PRDM1: variants seen among roughly 807,000 people sequenced by gnomAD.
PRDM1 encodes PR domain zinc finger protein 1.
PRDM1 carries 13 observed loss-of-function variants against 62.8 expected under a neutral mutation model. The ratio of observed to expected loss-of-function variants is 0.21; its 90% CI spans 0.13 to 0.33. The LOEUF (loss-of-function observed/expected upper bound fraction) is 0.33. Ranked by LOEUF, PRDM1 falls within the 10% of genes least tolerant of loss-of-function variation. The pLI is 1.00. For synonymous variants in PRDM1, 396 were observed against 417.6 expected (o/e 0.95, Z 0.63); for missense variants, 895 against 1,058.8 (o/e 0.85, Z 2.15).
chr6:106,046,494 T>C (rs372104794), upstream of PRDM1: 141 of 152,546 alleles, frequency 9.2e-4, no homozygotes, highest in African/African-American at 3.0e-3. Flanking sequence ...AGGTGTCTTG[T>C]CTTCCTCTTT....
At chr6:106,083,978 C>G (rs1472263956), upstream of PRDM1, among the ~76,000 whole-genome samples, 2 of 152,134 alleles carry the variant, frequency 1.3e-5, no homozygotes, top group Admixed American at 6.5e-5. Context: ...CTTTTATTCC[C>G]CCTTAATGGT....
chr6:106,003,812 T>C (rs1772454526), intron 1 of PRDM1, among the ~76,000 whole-genome samples: 1 of 152,190 alleles, frequency 6.6e-6, no homozygotes, highest in African/African-American at 2.4e-5. Flanking sequence ...AGATCTTACT[T>C]ATTTTTGGAC....
At chr6:106,042,570 C>T (rs886790712) in intron 1 of PRDM1, among the ~76,000 whole-genome samples, 7 of 151,468 alleles carry the variant, frequency 4.6e-5, no homozygotes, top group Admixed American at 4.6e-4. Context: ...CAAAACAAAA[C>T]CAAGTGTGAA....
At position 106,105,381 on chromosome 6, in the gene PRDM1, C is replaced by T. The variant is rs139750319; in HGVS notation, c.1221C>T (p.Asn407=). 17 of 1,614,120 alleles carry T rather than the reference C, an allele frequency of 1.1e-5. 1 individual carries two copies. In the African/African-American group the frequency reaches 1.6e-4, roughly 15 times the overall value. Residue 407 remains asparagine, a synonymous_variant, in exon 5 of 7, where the codon AAC becomes AAT. Transcript: ENST00000369096. ...CGCCAGCTTTCATCCCCTCGTACAACGCTCACTACCCCAAGTTCCTCTTGC... is the reference window on the plus strand; with the variant it reads ...CGCCAGCTTTCATCCCCTCGTACAATGCTCACTACCCCAAGTTCCTCTTGC... ...HLPPAFIPSY[N]AHYPKFLLPP...
intron 1 of PRDM1, among the ~76,000 whole-genome samples, chr6:106,011,864 G>A (rs1422189626): frequency 6.6e-6 from 1 of 151,094 alleles, no homozygotes; most frequent in Non-Finnish European, 1.5e-5. Flanking sequence ...CAGTACACAA[G>A]TACCACAGCA....
intron 1 of PRDM1, among the ~76,000 whole-genome samples, chr6:105,995,854 T>C (rs138739965): frequency 5.2e-4 from 79 of 152,326 alleles, no homozygotes; most frequent in African/African-American, 1.6e-3. Flanking sequence ...GGACAATCTT[T>C]AGTTTGTAAG....
intron 1 of PRDM1, among the ~76,000 whole-genome samples, chr6:106,072,498 T>G (rs1255584206): frequency 6.6e-6 from 1 of 152,184 alleles, no homozygotes; most frequent in Non-Finnish European, 1.5e-5. Context: ...GGGGGAGGAA[T>G]AGAAGAAGGG....
intron 2 of PRDM1, among the ~76,000 whole-genome samples, chr6:106,094,645 G>A (rs908956268): frequency 5.3e-5 from 8 of 152,196 alleles, no homozygotes; most frequent in African/African-American, 1.7e-4. Context: ...GGCTCAGCCT[G>A]TAATCTCAGC....
chr6:106,040,746 G>A (rs887649920), intron 1 of PRDM1, among the ~76,000 whole-genome samples: 6 of 152,312 alleles, frequency 3.9e-5, no homozygotes, highest in African/African-American at 1.4e-4. Context: ...ACAACATGAT[G>A]TGTATCCTTT....
At chr6:106,035,642 T>A (rs548672664) in intron 1 of PRDM1, among the ~76,000 whole-genome samples, 39 of 151,722 alleles carry the variant, frequency 2.6e-4, no homozygotes, top group South Asian at 1.0e-3. Context: ...CAAAAAAATT[T>A]AAAAAAAAAG....
chr6:106,031,044 T>C (rs1357669444), intron 1 of PRDM1, among the ~76,000 whole-genome samples: 1 of 151,818 alleles, frequency 6.6e-6, no homozygotes, highest in Non-Finnish European at 1.5e-5. Context: ...GAATATGCAT[T>C]GCTTTTATAG....
In PRDM1 at chr6:105,994,093, C is replaced by A. The variant is rs558747640; in HGVS notation, c.-67+454C>A. Among the ~76,000 whole-genome samples, 1 of 152,186 alleles carries A rather than the reference C, an allele frequency of 6.6e-6. No individual in the cohort carries two copies. The highest frequency in any genetic ancestry group is 1.5e-5 in the Non-Finnish European group (1 of 68,028). On this transcript the variant is annotated intron_variant, in intron 1 of 6. Transcript: ENST00000652320. The surrounding 1 kb of genome is among the most constrained non-coding windows in gnomAD (Gnocchi z 4.1). ...TTCCTGGACAGTCACTCAAAAGCTG[C>A]GCCCAAAGTTTTAAAAAGCGCGGGG...
rs759824378 is a variant in PRDM1 at position 106,107,174 on chromosome 6, T to C, written c.2166T>C (p.Asp722=). 1.2e-6 allele frequency: 2 copies of C among 1,614,074 alleles called. No homozygotes were observed. The highest frequency in any genetic ancestry group is 2.2e-5 in the East Asian group (1 of 44,892). Residue 722 remains aspartate (D), a synonymous_variant, in exon 7 of 7, where the codon GAT becomes GAC. Coordinates refer to ENST00000369096, the MANE Select transcript of PRDM1 (RefSeq NM_001198.4). Reference sequence around the variant, plus strand: ...CGGCGCCTGGGCTGCCCTTGGAAGATCTGACCCGAATCAATGAAGAAATCG... The same window carrying C: ...CGGCGCCTGGGCTGCCCTTGGAAGACCTGACCCGAATCAATGAAGAAATCG... ...AAPAPGLPLE[D]LTRINEEIEK...
chr6:105,998,051 G>T (rs1364472268), intron 1 of PRDM1, among the ~76,000 whole-genome samples: 3 of 152,186 alleles, frequency 2.0e-5, no homozygotes, highest in African/African-American at 4.8e-5. Flanking sequence ...TAAACAAAGT[G>T]CAGGGAGTTT....
intron 1 of PRDM1, chr6:106,087,527 G>C (rs1002669146): frequency 3.0e-5 from 7 of 232,634 alleles, no homozygotes; most frequent in Non-Finnish European, 5.1e-5. Flanking sequence ...CTTTTCCTGT[G>C]GTCCAAGTGA....
intron 1 of PRDM1, among the ~76,000 whole-genome samples, chr6:106,037,894 CCA>C (rs1400094124): frequency 2.6e-5 from 4 of 151,402 alleles, no homozygotes; most frequent in Non-Finnish European, 5.9e-5. Flanking sequence ...TTTGAATAGG[CCA>C]CAGTTTCCTG....
At chr6:106,083,410 A>AT (rs574319572), upstream of PRDM1, among the ~76,000 whole-genome samples, 190 of 151,370 alleles carry the variant, frequency 1.3e-3, 1 homozygote, top group African/African-American at 4.6e-3. Context: ...GAAAAAAAAA[A>AT]TTTTTTTTCC....
chr6:106,087,963 A>C (rs1582459806), intron 1 of PRDM1: 4 of 274,822 alleles, frequency 1.5e-5, no homozygotes, highest in Admixed American at 5.3e-5. Flanking sequence ...TTTTCCCCAC[A>C]GTGAGGTTGC....
chr6:106,019,968 G>A (rs1043422571), intron 1 of PRDM1, among the ~76,000 whole-genome samples: 4 of 148,988 alleles, frequency 2.7e-5, no homozygotes, highest in Non-Finnish European at 4.5e-5. Context: ...GGTGGCTCAC[G>A]CCTATAATCC....
Sources: allele counts gnomAD v4.1 joint callset (sites outside exome capture counted in the v4.1 genomes callset), GRCh38; gene constraint gnomAD v4.1.1; non-coding constraint Gnocchi (gnomAD v3.1); transcripts MANE v1.5; gene names NCBI Gene and HGNC (gene_info 2026-07-23, HGNC 2026-07-21).